PDGFB: variants seen among roughly 807,000 people sequenced by gnomAD.
PDGFB encodes platelet derived growth factor subunit B.
A neutral mutation model predicts 29.0 loss-of-function variants in PDGFB; 6 were observed. That is an observed-to-expected ratio of 0.21 (90% CI 0.11 to 0.41). The LOEUF is 0.41. Ranked by LOEUF, PDGFB falls within the 10% of genes least tolerant of loss-of-function variation. The probability of loss-of-function intolerance (pLI) is 1.00; values close to 1 mark genes in which losing one functional copy is unlikely to be tolerated. For missense variants in PDGFB, 299 were observed against 341.8 expected (o/e 0.87, Z 0.99); for synonymous variants, 144 against 140.8 (o/e 1.02, Z -0.16).
Position 39,231,877 on chromosome 22 carries a change from C to A in PDGFB, c.251-50G>T. On this transcript the variant is annotated intron_variant, in intron 3 of 6. Coordinates refer to ENST00000331163, the MANE Select transcript of PDGFB (RefSeq NM_002608.4). This position sits in a 1 kb window ranked among gnomAD's most constrained non-coding sequence, Gnocchi z 4.3. ...AGGAGCGTAGGCCTGTCCAGAGTCC[C>A]CCCACTTGGCAGGGGAGCTCAGCGG... The A allele has an allele frequency of 2.0e-6, 3 of 1,529,520 alleles. No individual in the cohort carries two copies. Among genetic ancestry groups the A allele is most frequent in the Non-Finnish European group, 2.7e-6 (3 of 1,122,102 alleles). The allele number at this position is 1,529,520 out of a possible 1,614,324, so 94.7% of individuals were successfully genotyped here.
Position 39,243,714 on chromosome 22 carries a change from G to T in PDGFB, c.63+187C>A, listed in dbSNP as rs1377919095. ...GCCGGTTGGAAAGAAAGCCACCGCT[G>T]TTGCCTTCCCTTAGAGCCTGTCACC... On this transcript the variant is annotated intron_variant, in intron 1 of 6. Coordinates refer to ENST00000331163, the MANE Select transcript of PDGFB (RefSeq NM_002608.4). The surrounding 1 kb of genome is among the most constrained non-coding windows in gnomAD (Gnocchi z 6.4). Among the ~76,000 whole-genome samples, 1 of 152,150 alleles carries T rather than the reference G, an allele frequency of 6.6e-6. No individual in the cohort carries two copies. Among genetic ancestry groups the T allele is most frequent in the Admixed American group, 6.5e-5 (1 of 15,284 alleles).
intron 1 of PDGFB, chr22:39,240,949 T>A: frequency 7.2e-7 from 1 of 1,394,562 alleles, no homozygotes; most frequent in Non-Finnish European, 1.0e-6. Flanking sequence ...ACACTCTCTC[T>A]CTCTCTCTCT....
rs1183459600 is a variant in PDGFB, at chr22:39,223,956, G to A, written c.*1386C>T. On this transcript the variant is annotated 3_prime_UTR_variant, in exon 7 of 7. Coordinates refer to ENST00000331163, the MANE Select transcript of PDGFB (RefSeq NM_002608.4). Reference sequence around the variant, plus strand: ...GCTGGTTTCCTAGGAGGAGCCACCAGAGGTGGAGCTCAGAAGGATCAAAGA... The same window carrying A: ...GCTGGTTTCCTAGGAGGAGCCACCAAAGGTGGAGCTCAGAAGGATCAAAGA... 1 of 152,222 alleles carries A rather than the reference G, an allele frequency of 6.6e-6. No individual in the cohort carries two copies. The highest frequency in any genetic ancestry group is 1.5e-5 in the Non-Finnish European group (1 of 68,032). The allele number at this position is 152,222 out of a possible 1,614,324, so 9.4% of individuals were successfully genotyped here. A position where few individuals can be genotyped will look rare whatever the true frequency, so the allele number is the denominator to read the frequency against.
Position 39,244,017 on chromosome 22 carries a change from G to A in PDGFB, c.-54C>T. 1.4e-5 allele frequency: 7 copies of A among 512,554 alleles called. No individual in the cohort carries two copies. The highest frequency in any genetic ancestry group is 1.0e-4 in the East Asian group (1 of 9,572). The allele number at this position is 512,554 out of a possible 1,614,324, so 31.8% of individuals were successfully genotyped here. A position where few individuals can be genotyped will look rare whatever the true frequency, so the allele number is the denominator to read the frequency against. On this transcript the variant is annotated 5_prime_UTR_variant, in exon 1 of 7. Transcript: ENST00000331163. This position sits in a 1 kb window ranked among gnomAD's most constrained non-coding sequence, Gnocchi z 4.5. ...CCCGGACGCGTAGATCGAGCGCGCC[G>A]CCCCCGCGGCCAGGGTGGGGGGCTG...
intron 2 of PDGFB, among the ~76,000 whole-genome samples, chr22:39,234,803 C>A (rs1308269601): frequency 3.9e-5 from 6 of 152,262 alleles, no homozygotes; most frequent in Non-Finnish European, 5.9e-5. Flanking sequence ...GATCCCGACC[C>A]CCACCAGGGG....
In PDGFB at chr22:39,231,391, G is replaced by C. The variant is rs1932299188; in HGVS notation, c.456+231C>G. Among the ~76,000 whole-genome samples, 1 of 152,106 alleles carries C rather than the reference G, an allele frequency of 6.6e-6. No individual in the cohort carries two copies. Among genetic ancestry groups the C allele is most frequent in the Non-Finnish European group, 1.5e-5 (1 of 68,018 alleles). ...CCCGGGGGGTCTGTCTGTGGCTTTT[G>C]GCTACAGTGGCCTGAGCCACCTCAG... On this transcript the variant is annotated intron_variant, in intron 4 of 6. Transcript: ENST00000331163. The surrounding 1 kb of genome is among the most constrained non-coding windows in gnomAD (Gnocchi z 4.3).
rs1932621203 is a variant in PDGFB, at chr22:39,243,525, C to T, written c.63+376G>A. ...ACAGAGCCTAAGCCGAGGCTGGCGC[C>T]GAAGTGGGCTCGGGAGGACGCGCTG... is the stretch of plus-strand genomic sequence containing the variant. On this transcript the variant is annotated intron_variant, in intron 1 of 6. Coordinates refer to ENST00000331163, the MANE Select transcript of PDGFB (RefSeq NM_002608.4). The surrounding 1 kb of genome is among the most constrained non-coding windows in gnomAD (Gnocchi z 6.4). Among the ~76,000 whole-genome samples the T allele has an allele frequency of 6.6e-6, 1 of 152,164 alleles. No individual in the cohort carries two copies. Among genetic ancestry groups the T allele is most frequent in the African/African-American group, 2.4e-5 (1 of 41,450 alleles).
Position 39,244,056 on chromosome 22 carries a change from G to GGGGGC in PDGFB, c.-94_-93insGCCCC. ...GGTGGGGGGCTGGGGAGGGGGGTGG[G>GGGGGC]CTCGGCTCGGGTCCGCGGCGATCAG... is the stretch of plus-strand genomic sequence containing the variant. On this transcript the variant is annotated 5_prime_UTR_variant, in exon 1 of 7. Coordinates refer to ENST00000331163, the MANE Select transcript of PDGFB (RefSeq NM_002608.4). The surrounding 1 kb of genome is among the most constrained non-coding windows in gnomAD (Gnocchi z 4.5). 1 of 261,514 alleles carries GGGGGC rather than the reference G, an allele frequency of 3.8e-6. No individual in the cohort carries two copies. Among genetic ancestry groups the GGGGGC allele is most frequent in the Non-Finnish European group, 7.9e-6 (1 of 127,010 alleles). 16.2% of individuals were successfully genotyped at this position (261,514 alleles called of 1,614,324 possible).
rs1289082793 is a variant in PDGFB, at chr22:39,244,891, G to A, written c.-928C>T. 4.8e-5 allele frequency: 10 copies of A among 208,180 alleles called. No individual in the cohort carries two copies. Among genetic ancestry groups the A allele is most frequent in the African/African-American group, 2.1e-4 (9 of 43,846 alleles). 12.9% of individuals were successfully genotyped at this position (208,180 alleles called of 1,614,324 possible). A position where few individuals can be genotyped will look rare whatever the true frequency, so the allele number is the denominator to read the frequency against. On this transcript the variant is annotated 5_prime_UTR_variant, in exon 1 of 7. Coordinates refer to ENST00000331163, the MANE Select transcript of PDGFB (RefSeq NM_002608.4). This position sits in a 1 kb window ranked among gnomAD's most constrained non-coding sequence, Gnocchi z 4.5. ...AGGGAATGAAAAATGGGCGCTGGCG[G>A]CCGGAGGGGAGCCCTAGGGAGGCAG...
rs1932305571 is a variant in PDGFB, at chr22:39,231,627, C to G, written c.451G>C (p.Val151Leu). The change falls in exon 4 of 7, where the codon GTC becomes CTC. Residue 151 changes from valine (V) to leucine (L), a missense_variant. Transcript: ENST00000331163. The surrounding 1 kb of genome is among the most constrained non-coding windows in gnomAD (Gnocchi z 4.3). ...GGGCCGCGGAGCCTACGCACCTGGA[C>G]AGGTCGCAGCTGCACCTGGGTGGGG... ...CRPTQVQLRP[V>L]QVRKIEIVRK... The G allele has an allele frequency of 6.4e-6, 10 of 1,563,544 alleles. No individual in the cohort carries two copies. The highest frequency in any genetic ancestry group is 1.9e-5 in the Admixed American group (1 of 53,136).
chr22:39,237,576 A>G (rs1250871359), intron 1 of PDGFB, among the ~76,000 whole-genome samples: 1 of 152,182 alleles, frequency 6.6e-6, no homozygotes, highest in Non-Finnish European at 1.5e-5. Context: ...CCCGCCCTCA[A>G]GCAAGTTCAT....
At chr22:39,238,917 C>T (rs751696961) in intron 1 of PDGFB, among the ~76,000 whole-genome samples, 6 of 152,246 alleles carry the variant, frequency 3.9e-5, no homozygotes, top group South Asian at 4.1e-4. Context: ...CACCACCCTT[C>T]AGGGCACAGG....
intron 1 of PDGFB, among the ~76,000 whole-genome samples, chr22:39,236,320 G>A (rs1424581218): frequency 1.3e-5 from 2 of 152,238 alleles, no homozygotes; most frequent in Non-Finnish European, 2.9e-5. Flanking sequence ...ATTGGCAAAA[G>A]CTGCATTCAA....
intron 3 of PDGFB, among the ~76,000 whole-genome samples, chr22:39,232,167 A>T (rs949307548): frequency 2.0e-5 from 3 of 152,188 alleles, no homozygotes; most frequent in Non-Finnish European, 2.9e-5. Flanking sequence ...CTTCTTTATG[A>T]TTTTACACAT....
rs1362689957 is a variant in PDGFB, at chr22:39,244,617, G to T, written c.-654C>A. ...GGCGGCGGGCACGGCTGCTCCGCGCGCGCGGCGTGCCCGCTGCGCGCTCGG... is the reference window on the plus strand; with the variant it reads ...GGCGGCGGGCACGGCTGCTCCGCGCTCGCGGCGTGCCCGCTGCGCGCTCGG... On this transcript the variant is annotated 5_prime_UTR_variant, in exon 1 of 7. Coordinates refer to ENST00000331163, the MANE Select transcript of PDGFB (RefSeq NM_002608.4). This position sits in a 1 kb window ranked among gnomAD's most constrained non-coding sequence, Gnocchi z 4.5. 6.6e-6 allele frequency: 1 copy of T among 152,320 alleles called. No individual in the cohort carries two copies. Among genetic ancestry groups the T allele is most frequent in the South Asian group, 2.1e-4 (1 of 4,872 alleles). 9.4% of individuals were successfully genotyped at this position (152,320 alleles called of 1,614,324 possible).
At chr22:39,228,893 A>AT (rs1555921947) in intron 5 of PDGFB, among the ~76,000 whole-genome samples, 3 of 132,520 alleles carry the variant, frequency 2.3e-5, no homozygotes, top group East Asian at 2.0e-4. Flanking sequence ...CCTCAAAAAA[A>AT]ATATATATAT....
In PDGFB at chr22:39,230,911, G is replaced by A. The variant is rs539162942; in HGVS notation, c.457-683C>T. Among the ~76,000 whole-genome samples the A allele has an allele frequency of 8.1e-4, 124 of 152,380 alleles. 3 individuals are homozygous for A. The South Asian group carries it at 0.024, about 30-fold the overall frequency. ...GGGGCGTGCAGGAATCTTTCCACAAGAAGCAGAAGCAGCAGCTTCTCTGAC... is the reference window on the plus strand; with the variant it reads ...GGGGCGTGCAGGAATCTTTCCACAAAAAGCAGAAGCAGCAGCTTCTCTGAC... On this transcript the variant is annotated intron_variant, in intron 4 of 6. Coordinates refer to ENST00000331163, the MANE Select transcript of PDGFB (RefSeq NM_002608.4).
chr22:39,229,966 GC>G (rs1464395260), intron 5 of PDGFB, 117 bp downstream of exon 5: 1 of 1,185,912 alleles, frequency 8.4e-7, no homozygotes, highest in Non-Finnish European at 1.2e-6. Flanking sequence ...TGAAAAGAAA[GC>G]CTCCCGTGAA....
chr22:39,224,672 C>A lies in PDGFB; in HGVS notation c.*670G>T, dbSNP rs1336901637. The A allele has an allele frequency of 6.6e-6, 1 of 152,370 alleles. No homozygotes were observed. The highest frequency in any genetic ancestry group is 1.5e-5 in the Non-Finnish European group (1 of 68,056). The allele number at this position is 152,370 out of a possible 1,614,324, so 9.4% of individuals were successfully genotyped here. ...CTCAACAGCAAACTCCATCTCTAAC[C>A]CACCTGAGAGGGCACCCAGCCACTT... On this transcript the variant is annotated 3_prime_UTR_variant, in exon 7 of 7. Transcript: ENST00000331163.
Sources: allele counts gnomAD v4.1 joint callset (sites outside exome capture counted in the v4.1 genomes callset), GRCh38; gene constraint gnomAD v4.1.1; non-coding constraint Gnocchi (gnomAD v3.1); transcripts MANE v1.5; gene names NCBI Gene and HGNC (gene_info 2026-07-23, HGNC 2026-07-21).